Variants in POLR2B observed in about 807,000 individuals in gnomAD.
The protein encoded by POLR2B is DNA-directed RNA polymerase II subunit RPB2.
Under a neutral mutation model 144.6 loss-of-function variants are expected in POLR2B, and 57 were observed. That is an observed-to-expected ratio of 0.39 (90% CI 0.32 to 0.49). POLR2B has a LOEUF of 0.49. POLR2B is among the 20% of genes least tolerant of loss of function. The probability of loss-of-function intolerance (pLI) is 0.83; values close to 1 mark genes in which losing one functional copy is unlikely to be tolerated. For missense variants in POLR2B, 595 were observed against 1,467.4 expected, an observed-to-expected ratio of 0.41 and a Z score of 9.71; for synonymous variants, 442 against 469.8, an observed-to-expected ratio of 0.94 and a Z score of 0.77.
intron 1 of POLR2B, among the ~76,000 whole-genome samples, chr4:56,981,989 A>C (rs1358168310): frequency 6.6e-6 from 1 of 152,128 alleles, no homozygotes; most frequent in Admixed American, 6.6e-5. Context: ...TAGCGACATC[A>C]CTTTCACTTG....
At chr4:56,980,255 C>A (rs1722115295) in intron 1 of POLR2B, among the ~76,000 whole-genome samples, 1 of 152,040 alleles carries the variant, frequency 6.6e-6, no homozygotes, top group Non-Finnish European at 1.5e-5. Flanking sequence ...GCTGTTTAAA[C>A]TTCTGTCTCA....
At chr4:57,013,733 T>G (rs542471475) in intron 13 of POLR2B, among the ~76,000 whole-genome samples, 2 of 152,110 alleles carry the variant, frequency 1.3e-5, no homozygotes, top group South Asian at 2.1e-4. Flanking sequence ...GTATTATGTA[T>G]TTAGCTCTGC....
rs1723157806 is a variant in POLR2B at position 57,010,510 on chromosome 4, A to G, written c.1548+6A>G. 6.2e-7 allele frequency: 1 copy of G among 1,606,294 alleles called. No homozygotes were observed. The highest frequency in any genetic ancestry group is 8.5e-7 in the Non-Finnish European group (1 of 1,177,066). ...GTCCTGCCGAGACCCCAGAGGTAAT[A>G]CATTAGAATTTACATTCAGGACAAA... On this transcript the variant is annotated splice_donor_region_variant and intron_variant, in intron 11 of 24. Transcript: ENST00000314595.
At chr4:57,025,255 A>G in intron 22 of POLR2B, 122 bp from the exon 23 acceptor site, 1 of 789,436 alleles carries the variant, frequency 1.3e-6, no homozygotes, top group Non-Finnish European at 2.1e-6. Flanking sequence ...TTAATTGCTA[A>G]CATTATAGAT....
chr4:57,010,832 T>G lies in POLR2B; in HGVS notation c.1633T>G (p.Leu545Val). 4 of 1,610,624 alleles carry G rather than the reference T, an allele frequency of 2.5e-6. No individual in the cohort carries two copies. The highest frequency in any genetic ancestry group is 3.4e-6 in the Non-Finnish European group (4 of 1,177,628). The change falls in exon 12 of 25, where the codon TTA (leucine) becomes GTA (valine). Residue 545 changes from leucine to valine, a missense_variant. Physicochemically the swap from Leu to Val is conservative, Grantham distance 32 (BLOSUM62 1). This residue lies in a region of POLR2B where 7 missense variants were observed against 82.5 expected (regional missense o/e 0.08). Transcript: ENST00000314595. Reference sequence around the variant, plus strand: ...TCAACCATCTCCAATTCTGGAATTTTTAGAAGAATGGAGTATGGAAAATTT... The same window carrying G: ...TCAACCATCTCCAATTCTGGAATTTGTAGAAGAATGGAGTATGGAAAATTT... ...GSQPSPILEF[L>V]EEWSMENLEE...
intron 7 of POLR2B, among the ~76,000 whole-genome samples, chr4:57,001,597 ATACTT>A (rs1240396219): frequency 2.6e-5 from 4 of 152,214 alleles, no homozygotes; most frequent in Non-Finnish European, 4.4e-5. Flanking sequence ...GGCAGAAAAA[ATACTT>A]AAGTAATATT....
At chr4:57,014,343 A>G (rs1267111548) in intron 13 of POLR2B, among the ~76,000 whole-genome samples, 1 of 149,678 alleles carries the variant, frequency 6.7e-6, no homozygotes, top group Non-Finnish European at 1.5e-5. Context: ...ACAGGCGCAC[A>G]CCACCACGCC....
At chr4:56,986,794 CA>C (rs34549456) in intron 2 of POLR2B, 3,709 of 139,514 alleles carry the variant, frequency 0.027, 106 homozygotes, top group African/African-American at 0.079. Context: ...ACCCTGTTTC[CA>C]AAAAAAAAAA....
intron 14 of POLR2B, 57 bp downstream of exon 14, chr4:57,015,713 A>G (rs1042313083): frequency 4.1e-6 from 3 of 728,174 alleles, no homozygotes; most frequent in Admixed American, 3.0e-5. Context: ...GAATTTACAT[A>G]CTGTAAAATT....
In POLR2B at chr4:56,994,688, T is replaced by C. The variant is rs1315306529; in HGVS notation, c.398T>C (p.Ile133Thr). Reference sequence around the variant, plus strand: ...TATGTTGATATAACAAAAACAGTCATTAAAGAAGGTGAAGAACAACTTCAG... The same window carrying C: ...TATGTTGATATAACAAAAACAGTCACTAAAGAAGGTGAAGAACAACTTCAG... Reference protein sequence around the residue: ...PLYVDITKTVIKEGEEQLQTQ... With the variant: ...PLYVDITKTVTKEGEEQLQTQ... Residue 133 changes from isoleucine (I) to threonine (T), a missense_variant, in exon 5 of 25, where the codon ATT (isoleucine) becomes ACT (threonine). By Grantham distance (89) the Ile-to-Thr change is moderately conservative (BLOSUM62 -1). Coordinates refer to ENST00000314595, the MANE Select transcript of POLR2B (RefSeq NM_000938.3). 1 of 1,613,448 alleles carries C rather than the reference T, an allele frequency of 6.2e-7. No homozygotes were observed. The highest frequency in any genetic ancestry group is 1.1e-5 in the South Asian group (1 of 91,072).
At chr4:56,985,913 A>G (rs1445440518) in intron 1 of POLR2B, among the ~76,000 whole-genome samples, 1 of 152,196 alleles carries the variant, frequency 6.6e-6, no homozygotes, top group Non-Finnish European at 1.5e-5. Context: ...ATAGAAGACC[A>G]TGTCGGATGG....
At position 56,994,641 on chromosome 4, in the gene POLR2B, T is replaced by C; in HGVS notation, c.357-6T>C. On this transcript the variant is annotated splice_region_variant and splice_polypyrimidine_tract_variant and intron_variant, in intron 4 of 24. Coordinates refer to ENST00000314595, the MANE Select transcript of POLR2B (RefSeq NM_000938.3). ...GCTTAACTGTGATCTACTTTTATTT[T>C]CAAAGGTATTCTGCTCCGCTTTATG... 6.3e-7 allele frequency: 1 copy of C among 1,587,300 alleles called. No individual in the cohort carries two copies. Among genetic ancestry groups the C allele is most frequent in the South Asian group, 1.1e-5 (1 of 90,556 alleles).
In POLR2B at chr4:57,017,246, G is replaced by A; in HGVS notation, c.2154+5G>A. On this transcript the variant is annotated splice_donor_5th_base_variant and intron_variant, in intron 15 of 24. Transcript: ENST00000314595. This position sits in a 1 kb window ranked among gnomAD's most constrained non-coding sequence, Gnocchi z 4.8. The stretch of plus-strand genomic sequence containing the variant: ...CCCTTTCCTGATCATAACCAGGTTG[G>A]TATCACTTTTTGTCTTCTGGTGTGA... 6.2e-7 allele frequency: 1 copy of A among 1,602,402 alleles called. No individual in the cohort carries two copies. The highest frequency in any genetic ancestry group is 8.5e-7 in the Non-Finnish European group (1 of 1,172,540).
intron 6 of POLR2B, among the ~76,000 whole-genome samples, chr4:56,996,359 C>T (rs1722688446): frequency 6.9e-6 from 1 of 144,216 alleles, no homozygotes; most frequent in Non-Finnish European, 1.5e-5. Flanking sequence ...CGGCTCAGTG[C>T]AAGCTCCGCC....
chr4:56,979,375 T>C (rs1331024732), intron 1 of POLR2B, among the ~76,000 whole-genome samples: 1 of 147,578 alleles, frequency 6.8e-6, no homozygotes, highest in Non-Finnish European at 1.5e-5. Flanking sequence ...AATAGCTCAA[T>C]TGTTGAGTGT....
chr4:57,010,819 A>G lies in POLR2B; in HGVS notation c.1620A>G (p.Pro540=). 6.2e-7 allele frequency: 1 copy of G among 1,609,598 alleles called. No individual in the cohort carries two copies. Among genetic ancestry groups the G allele is most frequent in the Non-Finnish European group, 8.5e-7 (1 of 1,176,950 alleles). The change falls in exon 12 of 25, where the codon CCA becomes CCG. Residue 540 remains proline, a synonymous_variant. Coordinates refer to ENST00000314595, the MANE Select transcript of POLR2B (RefSeq NM_000938.3). ...AYISVGSQPS[P]ILEFLEEWSM... ...TTTCAGTTGGATCTCAACCATCTCC[A>G]ATTCTGGAATTTTTAGAAGAATGGA...
At position 56,994,033 on chromosome 4, in the gene POLR2B, TAA is replaced by T. The variant is rs550519995; in HGVS notation, c.244-370_244-369del. Among the ~76,000 whole-genome samples, 14 of 152,356 alleles carry T rather than the reference TAA, an allele frequency of 9.2e-5. No homozygotes were observed. In the South Asian group the frequency reaches 2.9e-3, roughly 32 times the overall value. ...TGTACAGTCTTTACTTTTAGTATAT[TAA>T]GTCTCTTTTTGTCTTCTGCCTTAAG... On this transcript the variant is annotated intron_variant, in intron 3 of 24. Transcript: ENST00000314595.
chr4:57,027,317 C>T (rs1723756850), intron 23 of POLR2B, among the ~76,000 whole-genome samples: 1 of 151,314 alleles, frequency 6.6e-6, no homozygotes, highest in African/African-American at 2.4e-5. Context: ...CCCACCCCTT[C>T]CCTTTTTTTG....
At chr4:56,995,996 G>C (rs1015034804) in intron 6 of POLR2B, among the ~76,000 whole-genome samples, 1 of 152,030 alleles carries the variant, frequency 6.6e-6, no homozygotes, top group Non-Finnish European at 1.5e-5. Flanking sequence ...ACTAAAGAGG[G>C]TATTACAAGG....
Sources: gnomAD v4.1 joint callset for allele counts (sites outside exome capture counted in the v4.1 genomes callset) on GRCh38, gnomAD v4.1.1 for gene constraint, gnomAD v4.1.1 regional missense constraint, Gnocchi (gnomAD v3.1) non-coding constraint, MANE v1.5 for transcripts, NCBI Gene and HGNC (gene_info 2026-07-23, HGNC 2026-07-21) for gene names.